The following TECPR2 variants were observed in gnomAD, a reference collection of about 807,000 sequenced individuals.
The protein encoded by TECPR2 is tectonin beta-propeller repeat-containing protein 2.
Under a neutral mutation model 138.1 loss-of-function variants are expected in TECPR2, and 65 were observed. The observed-to-expected ratio is 0.47, with a 90% CI of 0.39 to 0.58. The LOEUF (loss-of-function observed/expected upper bound fraction) is 0.58. TECPR2 is among the 20% of genes least tolerant of loss of function. The pLI is 0.00. For synonymous variants in TECPR2, 746 were observed against 749.8 expected (o/e 0.99, Z 0.08); for missense variants, 1,553 against 1,824.5 (o/e 0.85, Z 2.71).
Position 102,465,179 on chromosome 14 carries a change from C to T in TECPR2, c.3679C>T (p.His1227Tyr). 1 of 1,614,212 alleles carries T rather than the reference C, an allele frequency of 6.2e-7. No homozygotes were observed. Among genetic ancestry groups the T allele is most frequent in the Non-Finnish European group, 8.5e-7 (1 of 1,180,040 alleles). Residue 1227 changes from histidine (H) to tyrosine (Y), a missense_variant, in exon 17 of 20, where the codon CAC (histidine) becomes TAC (tyrosine). Physicochemically the swap from His to Tyr is moderately conservative, Grantham distance 83. Coordinates refer to ENST00000359520, the MANE Select transcript of TECPR2 (RefSeq NM_014844.5). ...KLTSLACGNQ[H>Y]IWACDSRGGV... ...GACAAGCTTGGCATGTGGAAATCAG[C>T]ACATCTGGGCCTGTGATTCCAGGGG...
chr14:102,426,942 A>G (rs1425434701), intron 6 of TECPR2, among the ~76,000 whole-genome samples: 1 of 152,194 alleles, frequency 6.6e-6, no homozygotes, highest in East Asian at 1.9e-4. Context: ...AGTTTTATGA[A>G]TTATTATCAG....
intron 17 of TECPR2, 139 bp from the exon 18 acceptor site, chr14:102,496,840 A>T: frequency 7.9e-7 from 1 of 1,270,346 alleles, no homozygotes; most frequent in Non-Finnish European, 1.1e-6. Context: ...TAGGGGCAGG[A>T]CGTGGCCTCT....
intron 17 of TECPR2, among the ~76,000 whole-genome samples, chr14:102,482,628 G>T (rs1207130707): frequency 6.6e-6 from 1 of 152,172 alleles, no homozygotes; most frequent in Non-Finnish European, 1.5e-5. Context: ...TTTGGGTGGA[G>T]TTTATCTTCC....
intron 17 of TECPR2, among the ~76,000 whole-genome samples, chr14:102,496,272 C>T (rs967381507): frequency 2.6e-5 from 4 of 152,210 alleles, no homozygotes; most frequent in African/African-American, 9.6e-5. Flanking sequence ...TGACCAGAGG[C>T]CCAGATCCTC....
At chr14:102,464,750 T>G (rs1260522676) in intron 16 of TECPR2, among the ~76,000 whole-genome samples, 3 of 152,302 alleles carry the variant, frequency 2.0e-5, no homozygotes, top group Middle Eastern at 3.4e-3. Flanking sequence ...AATCTAGAAT[T>G]TGCTGGCATT....
intron 1 of TECPR2, among the ~76,000 whole-genome samples, chr14:102,363,611 C>T (rs929609164): frequency 1.3e-5 from 2 of 152,250 alleles, no homozygotes; most frequent in African/African-American, 2.4e-5. Context: ...GACTCCTTTC[C>T]CAATCCTATT....
intron 16 of TECPR2, among the ~76,000 whole-genome samples, chr14:102,460,135 G>A (rs1325454396): frequency 6.6e-6 from 1 of 152,006 alleles, no homozygotes. Flanking sequence ...GCTGGGTGTG[G>A]TGGTGGGCGC....
At chr14:102,446,036 T>A in intron 13 of TECPR2, 89 bp downstream of exon 13, 1 of 1,383,030 alleles carries the variant, frequency 7.2e-7, no homozygotes, top group Non-Finnish European at 9.7e-7. Flanking sequence ...TTAACGATAC[T>A]AGATTAAATT....
At chr14:102,492,783 C>T (rs529291479) in intron 17 of TECPR2, among the ~76,000 whole-genome samples, 4 of 152,310 alleles carry the variant, frequency 2.6e-5, no homozygotes, top group Admixed American at 6.5e-5. Flanking sequence ...CCGGAAGGGA[C>T]GACTGGCAAG....
chr14:102,392,008 G>A (rs907785725), intron 2 of TECPR2, among the ~76,000 whole-genome samples: 3 of 151,936 alleles, frequency 2.0e-5, no homozygotes, highest in African/African-American at 7.3e-5. Context: ...TTTTGTTTTA[G>A]ACAGAGTTTC....
chr14:102,403,062 T>A (rs536200209), intron 2 of TECPR2, among the ~76,000 whole-genome samples: 10 of 152,140 alleles, frequency 6.6e-5, no homozygotes, highest in Non-Finnish European at 7.4e-5. Context: ...TATGCTGATA[T>A]CAAAACTAGA....
rs572263349 is a variant in TECPR2 at position 102,393,492 on chromosome 14, T to C, written c.220-13846T>C. 3.2e-3 allele frequency among the ~76,000 whole-genome samples: 481 copies of C among 152,286 alleles called. 4 individuals carry two copies. Among genetic ancestry groups the C allele is most frequent in the African/African-American group, 0.011 (469 of 41,566 alleles). On this transcript the variant is annotated intron_variant, in intron 2 of 19. Coordinates refer to ENST00000359520, the MANE Select transcript of TECPR2 (RefSeq NM_014844.5). ...TACATTACAAAGGACACTGATACAT[T>C]ACAAAGCACACATACAAGCACTGCA...
At chr14:102,377,660 C>G (rs1364162878) in intron 2 of TECPR2, among the ~76,000 whole-genome samples, 1 of 152,050 alleles carries the variant, frequency 6.6e-6, no homozygotes, top group East Asian at 1.9e-4. Context: ...GAGCCAAGAT[C>G]ACACCACTGC....
intron 2 of TECPR2, among the ~76,000 whole-genome samples, chr14:102,398,968 A>G (rs956981723): frequency 2.0e-5 from 3 of 151,978 alleles, no homozygotes; most frequent in African/African-American, 7.2e-5. Context: ...TTTCTCATCA[A>G]AAACTTTGGA....
chr14:102,416,555 A>G (rs1284886297), intron 5 of TECPR2, among the ~76,000 whole-genome samples: 1 of 151,706 alleles, frequency 6.6e-6, no homozygotes, highest in Non-Finnish European at 1.5e-5. Context: ...CCAGTATCCT[A>G]CTCCTCTGGC....
chr14:102,409,516 C>A (rs1408818301), intron 4 of TECPR2, among the ~76,000 whole-genome samples: 1 of 152,156 alleles, frequency 6.6e-6, no homozygotes, highest in Non-Finnish European at 1.5e-5. Flanking sequence ...TCAGGCTGGT[C>A]TTGAACTCCT....
intron 1 of TECPR2, among the ~76,000 whole-genome samples, chr14:102,367,195 A>G (rs1887365751): frequency 6.6e-6 from 1 of 152,008 alleles, no homozygotes; most frequent in Admixed American, 6.6e-5. Flanking sequence ...AATGGGTAGT[A>G]TGGTCTGATT....
At chr14:102,408,463 G>A (rs1289137979) in intron 3 of TECPR2, 25 bp from the exon 4 acceptor site, 9 of 1,576,330 alleles carry the variant, frequency 5.7e-6, no homozygotes, top group Admixed American at 2.0e-5. Context: ...TTTTTCTTGT[G>A]TATATTTTTA....
At chr14:102,389,336 T>A (rs1170677215) in intron 2 of TECPR2, among the ~76,000 whole-genome samples, 5 of 151,802 alleles carry the variant, frequency 3.3e-5, no homozygotes, top group African/African-American at 9.7e-5. Context: ...AATAAATACA[T>A]AAATAAAAAT....
Sources: gnomAD v4.1 joint callset for allele counts (sites outside exome capture counted in the v4.1 genomes callset) on GRCh38, gnomAD v4.1.1 for gene constraint, MANE v1.5 for transcripts, NCBI Gene and HGNC (gene_info 2026-07-23, HGNC 2026-07-21) for gene names.